ARRDC3: variants seen among roughly 807,000 people sequenced by gnomAD.
ARRDC3 encodes arrestin domain containing 3, also known as arrestin domain-containing protein 3.
ARRDC3 carries 10 observed loss-of-function variants against 47.2 expected under a neutral mutation model. The ratio of observed to expected loss-of-function variants is 0.21; its 90% CI spans 0.13 to 0.36. The LOEUF is 0.36. ARRDC3 is among the 10% of genes least tolerant of loss of function. The pLI is 1.00. For synonymous variants in ARRDC3, 156 were observed against 178.3 expected, an observed-to-expected ratio of 0.87 and a Z score of 1.00; for missense variants, 381 against 503.6, an observed-to-expected ratio of 0.76 and a Z score of 2.33.
chr5:91,372,501 C>A (rs1799200195), intron 7 of ARRDC3, among the ~76,000 whole-genome samples: 1 of 152,080 alleles, frequency 6.6e-6, no homozygotes, highest in Non-Finnish European at 1.5e-5. Flanking sequence ...AAATGACTGA[C>A]TTAATAAGCA....
chr5:91,374,682 A>AAGACCAACC (rs1397142449), intron 5 of ARRDC3, among the ~76,000 whole-genome samples: 6 of 152,164 alleles, frequency 3.9e-5, no homozygotes, highest in Non-Finnish European at 5.9e-5. Flanking sequence ...CCAGGAGTTC[A>AAGACCAACC]AGACCAACCT....
Position 91,371,289 on chromosome 5 carries a change from G to T in ARRDC3, c.*111C>A. On this transcript the variant is annotated 3_prime_UTR_variant, in exon 8 of 8. Transcript: ENST00000265138. Reference sequence around the variant, plus strand: ...TTTCATGTATTCGCCATTTTTCTGGGCAAAAGTAATTCCACTTCCTCTGAA... The same window carrying T: ...TTTCATGTATTCGCCATTTTTCTGGTCAAAAGTAATTCCACTTCCTCTGAA... 1 of 956,552 alleles carries T rather than the reference G, an allele frequency of 1.0e-6. No homozygotes were observed. The highest frequency in any genetic ancestry group is 1.6e-6 in the Non-Finnish European group (1 of 635,600). The allele number at this position is 956,552 out of a possible 1,614,324, so 59.3% of individuals were successfully genotyped here.
rs113550918 is a variant in ARRDC3, at chr5:91,371,513, T to C, written c.1189-57A>G. On this transcript the variant is annotated intron_variant, in intron 7 of 7. Coordinates refer to ENST00000265138, the MANE Select transcript of ARRDC3 (RefSeq NM_020801.4). The stretch of plus-strand genomic sequence containing the variant: ...GTTATTTCATGAGGTCTAGGAAGAA[T>C]GTAGCAAATGACTACAATTCTGAAT... 291 of 1,347,818 alleles carry C rather than the reference T, an allele frequency of 2.2e-4. 1 individual carries two copies. The African/African-American group carries it at 3.6e-3, about 17-fold the overall frequency. The allele number at this position is 1,347,818 out of a possible 1,614,324, so 83.5% of individuals were successfully genotyped here.
At chr5:91,372,043 TA>T (rs1799189534) in intron 7 of ARRDC3, among the ~76,000 whole-genome samples, 2 of 152,116 alleles carry the variant, frequency 1.3e-5, no homozygotes, top group African/African-American at 4.8e-5. Flanking sequence ...TATCAGGAAA[TA>T]AAACTGCTGA....
intron 2 of ARRDC3, among the ~76,000 whole-genome samples, chr5:91,377,986 C>T (rs1311287638): frequency 6.6e-6 from 1 of 152,170 alleles, no homozygotes; most frequent in East Asian, 1.9e-4. Flanking sequence ...TGCCATTTTG[C>T]AGGTTTTAAT....
chr5:91,378,708 G>A lies in ARRDC3; in HGVS notation c.348C>T (p.Phe116=), dbSNP rs778849870. The A allele has an allele frequency of 3.8e-6, 6 of 1,591,706 alleles. No homozygotes were observed. Among genetic ancestry groups the A allele is most frequent in the Admixed American group, 1.7e-5 (1 of 57,546 alleles). The change falls in exon 2 of 8, where the codon TTC becomes TTT. Residue 116 remains phenylalanine (F), a synonymous_variant. Coordinates refer to ENST00000265138, the MANE Select transcript of ARRDC3 (RefSeq NM_020801.4). ...HSGRHEYAFS[F]ELPQTPLATS... ...ATAATACTTACGTCTGTGGAAGCTC[G>A]AAGCTGAATGCATATTCATGCCTTC...
In ARRDC3 at chr5:91,383,197, A is replaced by T; in HGVS notation, c.-105T>A. ...CTGATCGATATTTTTGCCGTGCAAA[A>T]TGCTTGCAGGCCGGATCAGTGATTC... is the stretch of plus-strand genomic sequence containing the variant. On this transcript the variant is annotated 5_prime_UTR_variant, in exon 1 of 8. Transcript: ENST00000265138. The T allele has an allele frequency of 9.4e-7, 1 of 1,068,990 alleles. No individual in the cohort carries two copies. 66.2% of individuals were successfully genotyped at this position (1,068,990 alleles called of 1,614,324 possible).
Position 91,375,619 on chromosome 5 carries a change from A to G in ARRDC3, c.511-6T>C. On this transcript the variant is annotated splice_region_variant and splice_polypyrimidine_tract_variant and intron_variant, in intron 3 of 7. Coordinates refer to ENST00000265138, the MANE Select transcript of ARRDC3 (RefSeq NM_020801.4). ...TTTGTGCCTGCTTGGGGTGACTGTA[A>G]GAAAAAAATTAAGAGAAAAAGGTCA... 2 of 1,601,480 alleles carry G rather than the reference A, an allele frequency of 1.2e-6. No homozygotes were observed. The highest frequency in any genetic ancestry group is 1.7e-6 in the Non-Finnish European group (2 of 1,172,112).
chr5:91,377,654 A>T (rs1394611674), intron 2 of ARRDC3, among the ~76,000 whole-genome samples: 1 of 151,278 alleles, frequency 6.6e-6, no homozygotes, highest in African/African-American at 2.4e-5. Context: ...GCTAATAGTT[A>T]TCCAAAATTT....
At position 91,373,679 on chromosome 5, in the gene ARRDC3, C is replaced by T; in HGVS notation, c.1188+5G>A. ...TCATTTCATACTTAAGGAGTAGGTA[C>T]TTACCTCTGAATAAAGAGGTGGAGG... On this transcript the variant is annotated splice_donor_5th_base_variant and intron_variant, in intron 7 of 7. Transcript: ENST00000265138. 1.2e-6 allele frequency: 2 copies of T among 1,612,710 alleles called. No individual in the cohort carries two copies. Among genetic ancestry groups the T allele is most frequent in the East Asian group, 2.2e-5 (1 of 44,856 alleles).
intron 3 of ARRDC3, 107 bp downstream of exon 3, chr5:91,376,514 G>T: frequency 2.0e-6 from 2 of 1,018,056 alleles, no homozygotes; most frequent in Non-Finnish European, 2.8e-6. Flanking sequence ...AATTTTAAAA[G>T]AAAACCAGTA....
rs1442707917 is a variant in ARRDC3 at position 91,371,316 on chromosome 5, C to T, written c.*84G>A. The T allele has an allele frequency of 1.2e-5, 15 of 1,222,512 alleles. No individual in the cohort carries two copies. Among genetic ancestry groups the T allele is most frequent in the East Asian group, 7.1e-5 (3 of 42,424 alleles). 75.7% of individuals were successfully genotyped at this position (1,222,512 alleles called of 1,614,324 possible). On this transcript the variant is annotated 3_prime_UTR_variant, in exon 8 of 8. Coordinates refer to ENST00000265138, the MANE Select transcript of ARRDC3 (RefSeq NM_020801.4). ...AAAAGTAATTCCACTTCCTCTGAAA[C>T]GTGTCTCCAAGATACTTCTCTGTCC...
Position 91,383,006 on chromosome 5 carries a change from G to A in ARRDC3, c.87C>T (p.Thr29=), listed in dbSNP as rs758398512. The A allele has an allele frequency of 6.2e-6, 10 of 1,613,758 alleles. No homozygotes were observed. Among genetic ancestry groups the A allele is most frequent in the Admixed American group, 1.7e-5 (1 of 60,000 alleles). The change falls in exon 1 of 8, where the codon ACC becomes ACT. Residue 29 remains threonine, a synonymous_variant. Coordinates refer to ENST00000265138, the MANE Select transcript of ARRDC3 (RefSeq NM_020801.4). ...CTTCTAAATTTACCCTTCCTGAGAC[G>A]GTATCCCCACTAGAATACACAGGGA... is the stretch of plus-strand genomic sequence containing the variant. ...SNVPVYSSGD[T]VSGRVNLEVT...
At chr5:91,377,636 A>C (rs1799336221) in intron 2 of ARRDC3, among the ~76,000 whole-genome samples, 1 of 151,834 alleles carries the variant, frequency 6.6e-6, no homozygotes. Flanking sequence ...TAAAATCTTA[A>C]ACTGTATGCT....
rs145049663 is a variant in ARRDC3, at chr5:91,380,751, C to T, written c.281-1976G>A. The T allele has an allele frequency of 3.8e-3, 584 of 152,438 alleles. 2 individuals are homozygous for T. Among genetic ancestry groups the T allele is most frequent in the Non-Finnish European group, 5.0e-3 (342 of 68,104 alleles). 9.4% of individuals were successfully genotyped at this position (152,438 alleles called of 1,614,324 possible). A position where few individuals can be genotyped will look rare whatever the true frequency, so the allele number is the denominator to read the frequency against. ...ACTTCCATCTGAAAAGGATTTTCTG[C>T]TAAAGTTGGGTCCATGGCCATCCAG... On this transcript the variant is annotated intron_variant, in intron 1 of 7. Coordinates refer to ENST00000265138, the MANE Select transcript of ARRDC3 (RefSeq NM_020801.4).
chr5:91,376,253 T>A (rs1212241756), intron 3 of ARRDC3, among the ~76,000 whole-genome samples: 1 of 152,178 alleles, frequency 6.6e-6, no homozygotes, highest in Admixed American at 6.5e-5. Context: ...AAATTTTAGA[T>A]TATGATATTG....
Position 91,375,621 on chromosome 5 carries a change from A to G in ARRDC3, c.511-8T>C. ...TGTGCCTGCTTGGGGTGACTGTAAG[A>G]AAAAAATTAAGAGAAAAAGGTCAGT... is the stretch of plus-strand genomic sequence containing the variant. On this transcript the variant is annotated splice_region_variant and splice_polypyrimidine_tract_variant and intron_variant, in intron 3 of 7. Coordinates refer to ENST00000265138, the MANE Select transcript of ARRDC3 (RefSeq NM_020801.4). 2 of 1,597,142 alleles carry G rather than the reference A, an allele frequency of 1.3e-6. No individual in the cohort carries two copies.
chr5:91,375,443 ATAT>A, intron 4 of ARRDC3, 65 bp downstream of exon 4: 1 of 1,053,310 alleles, frequency 9.5e-7, no homozygotes. Flanking sequence ...TTTAGTAGTC[ATAT>A]TATAAATTTA....
chr5:91,374,534 T>A (rs1299121028), intron 5 of ARRDC3, among the ~76,000 whole-genome samples: 6 of 152,048 alleles, frequency 3.9e-5, no homozygotes, highest in Non-Finnish European at 8.8e-5. Flanking sequence ...ATCCTGGATG[T>A]AAGACAAAAC....
Sources: allele counts gnomAD v4.1 joint callset (sites outside exome capture counted in the v4.1 genomes callset), GRCh38; gene constraint gnomAD v4.1.1; transcripts MANE v1.5; gene names NCBI Gene and HGNC (gene_info 2026-07-23, HGNC 2026-07-21).